The following PDK1 variants were observed in gnomAD, a reference collection of about 807,000 sequenced individuals.
The protein encoded by PDK1 is [Pyruvate dehydrogenase (acetyl-transferring)] kinase isozyme 1, mitochondrial.
PDK1 carries 39 observed loss-of-function variants against 54.2 expected under a neutral mutation model. The ratio of observed to expected loss-of-function variants is 0.72; its 90% CI spans 0.56 to 0.94. The LOEUF is 0.94. Among genes scored for constraint, PDK1 ranks in the 40% least tolerant of loss-of-function variants. The pLI is 0.00. For synonymous variants in PDK1, 221 were observed against 207.1 expected (o/e 1.07, Z -0.58); for missense variants, 552 against 566.0 (o/e 0.98, Z 0.25).
At chr2:172,719,301 T>C in the PDK1 span, among the ~76,000 whole-genome samples, 1 of 152,204 alleles carries the variant, frequency 6.6e-6, no homozygotes, top group Non-Finnish European at 1.5e-5. Flanking sequence ...TGGTTGAAAA[T>C]AGGTTTTTAT....
At chr2:172,671,986 G>A in the PDK1 span, among the ~76,000 whole-genome samples, 2 of 152,128 alleles carry the variant, frequency 1.3e-5, no homozygotes, top group African/African-American at 2.4e-5. Flanking sequence ...GTCAGCTGCC[G>A]TTTTTCTCTT....
At chr2:172,559,280 G>C (rs2149189034) in intron 2 of PDK1, among the ~76,000 whole-genome samples, 1 of 152,142 alleles carries the variant, frequency 6.6e-6, no homozygotes, top group African/African-American at 2.4e-5. Flanking sequence ...TTCTTTTTTT[G>C]GCTGGGGGCA....
At chr2:172,626,059 T>C in the PDK1 span, among the ~76,000 whole-genome samples, 25 of 152,224 alleles carry the variant, frequency 1.6e-4, no homozygotes, top group Non-Finnish European at 2.5e-4. Context: ...TTTGATTCTT[T>C]CTAACATTTT....
the PDK1 span, among the ~76,000 whole-genome samples, chr2:172,702,186 CAG>C: frequency 6.6e-6 from 1 of 152,050 alleles, no homozygotes; most frequent in Admixed American, 6.6e-5. Context: ...AACCTAAAGA[CAG>C]AGGGATGGCC....
chr2:172,685,064 C>T, the PDK1 span, among the ~76,000 whole-genome samples: 3 of 152,178 alleles, frequency 2.0e-5, no homozygotes, highest in East Asian at 3.8e-4. Context: ...GTAAAGAAGG[C>T]GCTTGCTTCC....
chr2:172,562,728 T>C, intron 3 of PDK1: 1 of 1,449,668 alleles, frequency 6.9e-7, no homozygotes. Context: ...TTAAAACATT[T>C]TTTAAAACAC....
the PDK1 span, among the ~76,000 whole-genome samples, chr2:172,645,773 CTTT>C: frequency 6.6e-6 from 1 of 152,180 alleles, no homozygotes; most frequent in African/African-American, 2.4e-5. Context: ...CTGTTAGACT[CTTT>C]TATTCATCTT....
At chr2:172,654,656 T>C in the PDK1 span, among the ~76,000 whole-genome samples, 1 of 152,128 alleles carries the variant, frequency 6.6e-6, no homozygotes, top group Non-Finnish European at 1.5e-5. Flanking sequence ...GTATACCTAA[T>C]GTAAATGACA....
At chr2:172,633,141 C>T in the PDK1 span, among the ~76,000 whole-genome samples, 2 of 151,760 alleles carry the variant, frequency 1.3e-5, no homozygotes, top group Non-Finnish European at 2.9e-5. Context: ...CTCCTGGGCT[C>T]AAGCGATCCT....
the PDK1 span, among the ~76,000 whole-genome samples, chr2:172,682,704 A>C: frequency 5.9e-5 from 9 of 152,216 alleles, no homozygotes; most frequent in African/African-American, 2.2e-4. Flanking sequence ...TTGTTCTTGA[A>C]AATACTGAGA....
intron 8 of PDK1, 27 bp from the exon 9 acceptor site, chr2:172,586,251 T>C (rs200212583): frequency 1.4e-6 from 2 of 1,407,038 alleles, no homozygotes; most frequent in African/African-American, 2.8e-5. Flanking sequence ...GATTTGGGCA[T>C]AGAGCACGAT....
At chr2:172,675,229 C>T in the PDK1 span, among the ~76,000 whole-genome samples, 25 of 152,248 alleles carry the variant, frequency 1.6e-4, no homozygotes, top group African/African-American at 5.5e-4. Flanking sequence ...CAGTTAATAA[C>T]CCTATAGTGG....
the PDK1 span, among the ~76,000 whole-genome samples, chr2:172,630,287 G>A: frequency 6.6e-6 from 1 of 152,082 alleles, no homozygotes; most frequent in Non-Finnish European, 1.5e-5. Context: ...GGACAATCTT[G>A]TATTTTTTTC....
chr2:172,584,964 C>T (rs1456977571), intron 8 of PDK1, among the ~76,000 whole-genome samples: 2 of 151,728 alleles, frequency 1.3e-5, no homozygotes, highest in Non-Finnish European at 2.9e-5. Flanking sequence ...GCCACCAGAC[C>T]CACCCAATAT....
intron 8 of PDK1, among the ~76,000 whole-genome samples, chr2:172,577,490 AAT>A (rs1488565459): frequency 6.6e-6 from 1 of 152,114 alleles, no homozygotes; most frequent in African/African-American, 2.4e-5. Context: ...TTTTGTCTTC[AAT>A]ATATGTCATA....
At chr2:172,654,911 A>G in the PDK1 span, among the ~76,000 whole-genome samples, 1 of 152,194 alleles carries the variant, frequency 6.6e-6, no homozygotes, top group East Asian at 1.9e-4. Context: ...AGAAGACAAT[A>G]CAAGCACGAA....
chr2:172,577,307 T>C (rs1002309952), intron 8 of PDK1, among the ~76,000 whole-genome samples: 1 of 152,148 alleles, frequency 6.6e-6, no homozygotes, highest in Non-Finnish European at 1.5e-5. Context: ...TTCCAGACTT[T>C]TAGTTTAAAC....
chr2:172,569,590 T>C (rs988755105), intron 7 of PDK1, among the ~76,000 whole-genome samples: 75 of 152,156 alleles, frequency 4.9e-4, no homozygotes, highest in Non-Finnish European at 1.3e-4. Context: ...AATCTGATAA[T>C]GTAAAGGAAA....
intron 6 of PDK1, 105 bp from the exon 7 acceptor site, chr2:172,568,636 G>A (rs1689089249): frequency 1.4e-6 from 1 of 728,392 alleles, no homozygotes; most frequent in East Asian, 2.5e-5. Flanking sequence ...AGGTAATACT[G>A]TCCTCCGTAG....
Sources: allele counts gnomAD v4.1 joint callset (sites outside exome capture counted in the v4.1 genomes callset), GRCh38; gene constraint gnomAD v4.1.1; transcripts MANE v1.5; gene names NCBI Gene and HGNC (gene_info 2026-07-23, HGNC 2026-07-21).